The following ZNF280D variants were observed in gnomAD, a reference collection of about 807,000 sequenced individuals.
ZNF280D encodes suppressor of hairy wing homolog 4.
Under a neutral mutation model 94.7 loss-of-function variants are expected in ZNF280D, and 39 were observed. The observed-to-expected ratio is 0.41, with a 90% confidence interval of 0.32 to 0.54. The LOEUF is 0.54. Ranked by LOEUF, ZNF280D falls within the 20% of genes least tolerant of loss-of-function variation. The pLI, the probability that ZNF280D is intolerant of heterozygous loss-of-function variation, is 0.22. For missense variants in ZNF280D, 1,090 were observed against 1,149.3 expected (o/e 0.95, Z 0.75); for synonymous variants, 398 against 377.6 (o/e 1.05, Z -0.63).
At chr15:56,713,035 C>G (rs1421280296) in intron 1 of ZNF280D, among the ~76,000 whole-genome samples, 1 of 151,902 alleles carries the variant, frequency 6.6e-6, no homozygotes. Flanking sequence ...CCACCATGCC[C>G]GGTCAAATGG....
chr15:56,702,110 T>C (rs2141200424), intron 4 of ZNF280D, among the ~76,000 whole-genome samples: 1 of 151,046 alleles, frequency 6.6e-6, no homozygotes, highest in East Asian at 1.9e-4. Context: ...TCCCATTAAG[T>C]AATTCTATAA....
intron 1 of ZNF280D, among the ~76,000 whole-genome samples, chr15:56,731,016 C>T (rs1159388916): frequency 6.6e-6 from 1 of 152,144 alleles, no homozygotes; most frequent in African/African-American, 2.4e-5. Flanking sequence ...TGCAATGAAG[C>T]ATACTGCATG....
intron 5 of ZNF280D, 41 bp from the exon 6 acceptor site, chr15:56,701,113 C>T (rs2057039318): frequency 1.9e-6 from 3 of 1,611,480 alleles, no homozygotes; most frequent in African/African-American, 2.7e-5. Flanking sequence ...ATTATTTGTA[C>T]ATAATCAATT....
intron 9 of ZNF280D, among the ~76,000 whole-genome samples, chr15:56,687,764 C>A (rs2056125825): frequency 6.6e-6 from 1 of 152,116 alleles, no homozygotes; most frequent in Non-Finnish European, 1.5e-5. Context: ...CAGGATAATT[C>A]TCCTATAAGA....
chr15:56,668,130 C>T, intron 14 of ZNF280D: 1 of 455,156 alleles, frequency 2.2e-6, no homozygotes, highest in Non-Finnish European at 4.4e-6. Flanking sequence ...AACAGACATA[C>T]CCACATTCAA....
intron 13 of ZNF280D, among the ~76,000 whole-genome samples, chr15:56,669,195 T>A (rs1159329285): frequency 6.6e-6 from 1 of 152,052 alleles, no homozygotes; most frequent in Non-Finnish European, 1.5e-5. Context: ...TATCAATAGG[T>A]TCTAATAAAA....
chr15:56,687,839 C>T (rs552055374), intron 9 of ZNF280D, among the ~76,000 whole-genome samples: 3 of 152,254 alleles, frequency 2.0e-5, no homozygotes, highest in South Asian at 4.2e-4. Context: ...AAATATGGCT[C>T]TGTACGTATA....
chr15:56,656,768 T>G lies in ZNF280D; in HGVS notation c.2057+1656A>C, dbSNP rs541718462. Among the ~76,000 whole-genome samples, 11 of 152,108 alleles carry G rather than the reference T, an allele frequency of 7.2e-5. No homozygotes were observed. The South Asian group carries it at 2.3e-3, about 32-fold the overall frequency. On this transcript the variant is annotated intron_variant, in intron 17 of 21. Coordinates refer to ENST00000267807, the MANE Select transcript of ZNF280D (RefSeq NM_017661.4). The stretch of plus-strand genomic sequence containing the variant: ...AAAAACCAAACCACACACAATATAG[T>G]GAGAGAACATAGGCAATAAGCAAGT...
intron 13 of ZNF280D, among the ~76,000 whole-genome samples, chr15:56,675,870 G>C (rs2055197434): frequency 6.6e-6 from 1 of 151,998 alleles, no homozygotes; most frequent in Non-Finnish European, 1.5e-5. Flanking sequence ...ATCAGATTCG[G>C]TAAATCCATT....
chr15:56,633,530 G>A (rs756975557), intron 21 of ZNF280D, among the ~76,000 whole-genome samples: 2 of 151,310 alleles, frequency 1.3e-5, no homozygotes, highest in African/African-American at 2.4e-5. Context: ...TCACTGTGAC[G>A]TCCAGGGTGG....
In ZNF280D at chr15:56,689,387, C is replaced by G. The variant is rs774201353; in HGVS notation, c.583G>C (p.Glu195Gln). Residue 195 changes from glutamate to glutamine, a missense_variant, in exon 8 of 22, where the codon GAA becomes CAA. Glu to Gln is a conservative substitution (Grantham distance 29, BLOSUM62 2). Coordinates refer to ENST00000267807, the MANE Select transcript of ZNF280D (RefSeq NM_017661.4). ...NVNPKKPKPS[E>Q]SVSGANSSAV... Reference sequence around the variant, plus strand: ...GAGGAATTTGCTCCAGAAACACTTTCGCTGGGTTTAGGCTTCTTTGGATTA... The same window carrying G: ...GAGGAATTTGCTCCAGAAACACTTTGGCTGGGTTTAGGCTTCTTTGGATTA... 1 of 1,609,750 alleles carries G rather than the reference C, an allele frequency of 6.2e-7. No homozygotes were observed. Among genetic ancestry groups the G allele is most frequent in the Non-Finnish European group, 8.5e-7 (1 of 1,177,924 alleles).
intron 11 of ZNF280D, 129 bp from the exon 12 acceptor site, chr15:56,677,803 C>T (rs2055337197): frequency 6.4e-6 from 2 of 310,798 alleles, no homozygotes; most frequent in Non-Finnish European, 1.2e-5. Flanking sequence ...AGCTTGTTAA[C>T]TATGTGCAAA....
At chr15:56,714,084 A>C (rs547815232) in intron 1 of ZNF280D, among the ~76,000 whole-genome samples, 14 of 152,320 alleles carry the variant, frequency 9.2e-5, no homozygotes, top group Middle Eastern at 3.4e-3. Context: ...GAAATTTCAA[A>C]TCAATACTTC....
chr15:56,641,409 T>C (rs1434697755), intron 20 of ZNF280D, among the ~76,000 whole-genome samples: 3 of 152,008 alleles, frequency 2.0e-5, no homozygotes, highest in Non-Finnish European at 4.4e-5. Context: ...TTCAGCATAA[T>C]GTATTTTGTC....
At chr15:56,714,559 A>G (rs1317212006) in intron 1 of ZNF280D, among the ~76,000 whole-genome samples, 1 of 152,198 alleles carries the variant, frequency 6.6e-6, no homozygotes, top group Non-Finnish European at 1.5e-5. Context: ...AGTGGCCTTC[A>G]AAGGCGATCA....
At chr15:56,696,625 C>A (rs549827038) in intron 6 of ZNF280D, among the ~76,000 whole-genome samples, 4 of 152,298 alleles carry the variant, frequency 2.6e-5, no homozygotes, top group East Asian at 3.9e-4. Context: ...AAAGTAAAAA[C>A]ACACACACAA....
intron 10 of ZNF280D, among the ~76,000 whole-genome samples, chr15:56,679,288 T>A (rs1202132449): frequency 6.6e-6 from 1 of 152,162 alleles, no homozygotes; most frequent in Non-Finnish European, 1.5e-5. Context: ...CAGGAGGAAA[T>A]CTTTTAAGGC....
At chr15:56,679,442 T>C (rs2055470074) in intron 10 of ZNF280D, among the ~76,000 whole-genome samples, 1 of 152,248 alleles carries the variant, frequency 6.6e-6, no homozygotes, top group African/African-American at 2.4e-5. Flanking sequence ...GATACTGGTT[T>C]ACTGTTAGCA....
At chr15:56,701,607 T>C (rs1305160674) in intron 4 of ZNF280D, among the ~76,000 whole-genome samples, 2 of 152,108 alleles carry the variant, frequency 1.3e-5, no homozygotes, top group African/African-American at 4.8e-5. Context: ...ATAATTTAAA[T>C]GTATATCTTT....
Sources: allele counts gnomAD v4.1 joint callset (sites outside exome capture counted in the v4.1 genomes callset), GRCh38; gene constraint gnomAD v4.1.1; transcripts MANE v1.5; gene names NCBI Gene and HGNC (gene_info 2026-07-23, HGNC 2026-07-21).